The following UTP6 variants were observed in gnomAD, a reference collection of about 807,000 sequenced individuals.
UTP6 encodes U3 small nucleolar RNA-associated protein 6 homolog.
A neutral mutation model predicts 96.5 loss-of-function variants in UTP6; 60 were observed. That is an observed-to-expected ratio of 0.62 (90% CI 0.51 to 0.77). UTP6 has a LOEUF of 0.77. Ranked by LOEUF, UTP6 falls within the 30% of genes least tolerant of loss-of-function variation. The pLI, the probability that UTP6 is intolerant of heterozygous loss-of-function variation, is 0.00. For synonymous variants in UTP6, 215 were observed against 240.1 expected, an observed-to-expected ratio of 0.90 and a Z score of 0.96; for missense variants, 637 against 706.5, an observed-to-expected ratio of 0.90 and a Z score of 1.12.
intron 3 of UTP6, 33 bp from the exon 4 acceptor site, chr17:31,894,770 C>G: frequency 6.4e-7 from 1 of 1,558,822 alleles, no homozygotes; most frequent in Non-Finnish European, 8.8e-7. Flanking sequence ...AGAGCCTCAA[C>G]TTAATCATAT....
chr17:31,886,114 C>A, intron 8 of UTP6, 53 bp from the exon 9 acceptor site: 1 of 1,503,714 alleles, frequency 6.7e-7, no homozygotes, highest in Non-Finnish European at 9.1e-7. Context: ...GGAGGAAAAG[C>A]ACTAGGACGA....
intron 16 of UTP6, 46 bp from the exon 17 acceptor site, chr17:31,868,158 C>T (rs1442693465): frequency 6.4e-7 from 1 of 1,557,452 alleles, no homozygotes; most frequent in East Asian, 2.3e-5. Flanking sequence ...GACAAAAAGC[C>T]TCTTACATCT....
At chr17:31,885,885 C>A in intron 9 of UTP6, 95 bp downstream of exon 9, 1 of 1,064,422 alleles carries the variant, frequency 9.4e-7, no homozygotes, top group Non-Finnish European at 1.4e-6. Context: ...GTTTTATACA[C>A]ATTCTAATGG....
At chr17:31,896,944 T>C (rs931465235) in intron 2 of UTP6, among the ~76,000 whole-genome samples, 50 of 152,068 alleles carry the variant, frequency 3.3e-4, no homozygotes, top group African/African-American at 1.2e-3. Flanking sequence ...ATCAAATAAA[T>C]CAGTCTTTTC....
chr17:31,876,240 T>C (rs948441699), intron 13 of UTP6, among the ~76,000 whole-genome samples: 6 of 151,970 alleles, frequency 3.9e-5, no homozygotes, highest in African/African-American at 1.2e-4. Context: ...TTTCACCATG[T>C]TGGCCAGGCT....
At chr17:31,894,783 G>A (rs548572732) in intron 3 of UTP6, 46 bp from the exon 4 acceptor site, 7 of 1,509,494 alleles carry the variant, frequency 4.6e-6, no homozygotes, top group African/African-American at 1.4e-5. Context: ...AATCATATTT[G>A]TCCAAAACAG....
In UTP6 at chr17:31,863,402, G is replaced by C. The variant is rs1464876415; in HGVS notation, c.1751C>G (p.Ala584Gly). 6.2e-7 allele frequency: 1 copy of C among 1,613,966 alleles called. No homozygotes were observed. Among genetic ancestry groups the C allele is most frequent in the South Asian group, 1.1e-5 (1 of 91,070 alleles). Residue 584 changes from alanine to glycine, a missense_variant, in exon 19 of 19, where the codon GCA becomes GGA. Coordinates refer to ENST00000261708, the MANE Select transcript of UTP6 (RefSeq NM_018428.3). ...MKMLQGESAE[A>G]FVAKHAMHQT... ...ATGCATAGCATGTTTAGCTACAAATGCCTCTGCTGACTCTCCCTGCAACAT... is the reference window on the plus strand; with the variant it reads ...ATGCATAGCATGTTTAGCTACAAATCCCTCTGCTGACTCTCCCTGCAACAT...
intron 17 of UTP6, among the ~76,000 whole-genome samples, chr17:31,866,472 T>C (rs937542452): frequency 6.6e-6 from 1 of 151,586 alleles, no homozygotes; most frequent in Non-Finnish European, 1.5e-5. Context: ...CTCACACCTG[T>C]AATCCCAGCA....
At chr17:31,872,572 A>G (rs1015920399) in intron 16 of UTP6, among the ~76,000 whole-genome samples, 2 of 151,938 alleles carry the variant, frequency 1.3e-5, no homozygotes, top group Non-Finnish European at 2.9e-5. Flanking sequence ...GACATTTGGG[A>G]GGCTGAGGTG....
At chr17:31,898,425 C>A (rs193098486) in intron 2 of UTP6, among the ~76,000 whole-genome samples, 290 of 151,992 alleles carry the variant, frequency 1.9e-3, no homozygotes, top group African/African-American at 6.4e-3. Context: ...ACTCAGGAGG[C>A]TGAGGCAGAT....
Position 31,899,640 on chromosome 17 carries a change from ACTT to A in UTP6, c.177+3_177+5del. ...AAAAGAAAGAAATTATTAATTACAC[ACTT>A]ACTTGAACATAATTGATAAAGTCTT... On this transcript the variant is annotated splice_donor_5th_base_variant and intron_variant, in intron 2 of 18. Transcript: ENST00000261708. 6.4e-7 allele frequency: 1 copy of A among 1,571,674 alleles called. No homozygotes were observed. Among genetic ancestry groups the A allele is most frequent in the Non-Finnish European group, 8.6e-7 (1 of 1,162,566 alleles).
intron 10 of UTP6, 134 bp from the exon 11 acceptor site, chr17:31,880,888 C>T (rs1910792461): frequency 1.6e-6 from 2 of 1,253,980 alleles, no homozygotes; most frequent in African/African-American, 3.0e-5. Context: ...AAAACTATTT[C>T]CCAGGCCGGG....
chr17:31,899,663 A>C lies in UTP6; in HGVS notation c.160T>G (p.Phe54Val), dbSNP rs1904852438. 1 of 1,602,922 alleles carries C rather than the reference A, an allele frequency of 6.2e-7. No individual in the cohort carries two copies. The highest frequency in any genetic ancestry group is 1.3e-5 in the African/African-American group (1 of 74,254). The change falls in exon 2 of 19, where the codon TTT becomes GTT. Residue 54 changes from phenylalanine to valine, a missense_variant. Coordinates refer to ENST00000261708, the MANE Select transcript of UTP6 (RefSeq NM_018428.3). Reference protein sequence around the residue: ...IQRRTLFKEDFINYVQYEINL... With the variant: ...IQRRTLFKEDVINYVQYEINL... Reference sequence around the variant, plus strand: ...ACACTTACTTGAACATAATTGATAAAGTCTTCCTTGAAAAGGGTTCTTCTC... The same window carrying C: ...ACACTTACTTGAACATAATTGATAACGTCTTCCTTGAAAAGGGTTCTTCTC...
rs547774534 is a variant in UTP6, at chr17:31,860,979, T to C, written c.*2380A>G. 1 of 152,246 alleles carries C rather than the reference T, an allele frequency of 6.6e-6. No homozygotes were observed. Among genetic ancestry groups the C allele is most frequent in the East Asian group, 1.9e-4 (1 of 5,190 alleles). The allele number at this position is 152,246 out of a possible 1,614,324, so 9.4% of individuals were successfully genotyped here. On this transcript the variant is annotated 3_prime_UTR_variant, in exon 19 of 19. Transcript: ENST00000261708. The stretch of plus-strand genomic sequence containing the variant: ...GAGAAACATAACTGCCCAAATAGTG[T>C]TGGCAAAATTAACTGCTTGGGGAAA...
intron 16 of UTP6, 32 bp from the exon 17 acceptor site, chr17:31,868,144 C>T: frequency 6.3e-7 from 1 of 1,597,176 alleles, no homozygotes; most frequent in Non-Finnish European, 8.6e-7. Flanking sequence ...TTATCTTCAA[C>T]AATGACAAAA....
At chr17:31,880,113 A>C (rs1910733441) in intron 11 of UTP6, 1 of 173,636 alleles carries the variant, frequency 5.8e-6, no homozygotes, top group East Asian at 1.5e-4. Flanking sequence ...CTCAAAAAAA[A>C]ACAAAAAACA....
intron 4 of UTP6, among the ~76,000 whole-genome samples, chr17:31,893,223 C>T (rs566616643): frequency 6.6e-6 from 1 of 152,168 alleles, no homozygotes; most frequent in East Asian, 1.9e-4. Context: ...GGCCACTGCA[C>T]TCCAGCCTGG....
At chr17:31,870,675 C>T (rs1910111235) in intron 16 of UTP6, among the ~76,000 whole-genome samples, 1 of 151,766 alleles carries the variant, frequency 6.6e-6, no homozygotes, top group Admixed American at 6.6e-5. Flanking sequence ...GCGCCCGCCA[C>T]CACATCTGAC....
At chr17:31,872,342 C>A (rs1215291041) in intron 16 of UTP6, among the ~76,000 whole-genome samples, 2 of 151,768 alleles carry the variant, frequency 1.3e-5, no homozygotes, top group Admixed American at 6.6e-5. Flanking sequence ...TGTTTTCCCC[C>A]ACCACAATGA....
Sources: allele counts gnomAD v4.1 joint callset (sites outside exome capture counted in the v4.1 genomes callset), GRCh38; gene constraint gnomAD v4.1.1; transcripts MANE v1.5; gene names NCBI Gene and HGNC (gene_info 2026-07-23, HGNC 2026-07-21).